NCOA1: variants seen among roughly 807,000 people sequenced by gnomAD.
The protein encoded by NCOA1 is nuclear receptor coactivator 1.
A neutral mutation model predicts 150.9 loss-of-function variants in NCOA1; 35 were observed. The ratio of observed to expected loss-of-function variants is 0.23; its 90% CI spans 0.18 to 0.31. The LOEUF (loss-of-function observed/expected upper bound fraction) is 0.31, where lower values mean the gene tolerates loss of function less well. Among genes scored for constraint, NCOA1 ranks in the 10% least tolerant of loss-of-function variants. The pLI is 1.00. For missense variants in NCOA1, 1,491 were observed against 1,749.3 expected (o/e 0.85, Z 2.63); for synonymous variants, 590 against 630.0 (o/e 0.94, Z 0.95).
intron 21 of NCOA1, among the ~76,000 whole-genome samples, chr2:24,759,329 G>A (rs1490283493): frequency 6.6e-6 from 1 of 152,186 alleles, no homozygotes; most frequent in Non-Finnish European, 1.5e-5. Context: ...TGCCTAAACA[G>A]AATAGAAAAA....
intron 3 of NCOA1, among the ~76,000 whole-genome samples, chr2:24,629,823 T>C (rs1276114989): frequency 5.4e-5 from 7 of 128,900 alleles, no homozygotes; most frequent in African/African-American, 2.3e-4. Context: ...CATACATATA[T>C]ATATATATAT....
At chr2:24,632,276 G>A (rs1026596462) in intron 3 of NCOA1, among the ~76,000 whole-genome samples, 6 of 152,152 alleles carry the variant, frequency 3.9e-5, no homozygotes, top group Admixed American at 2.0e-4. Context: ...TGACCAGTTG[G>A]ACTGATACTG....
chr2:24,625,862 T>A (rs1389460326), intron 3 of NCOA1, among the ~76,000 whole-genome samples: 1 of 152,178 alleles, frequency 6.6e-6, no homozygotes, highest in Non-Finnish European at 1.5e-5. Context: ...TTATTTCAGT[T>A]GTGTTCAAAC....
intron 1 of NCOA1, among the ~76,000 whole-genome samples, chr2:24,528,548 A>G (rs1289337124): frequency 6.6e-6 from 1 of 151,582 alleles, no homozygotes; most frequent in East Asian, 1.9e-4. Flanking sequence ...GGGTTTCACC[A>G]TGTTGCCCAG....
chr2:24,581,162 A>G lies in NCOA1; in HGVS notation c.-259-3314A>G, dbSNP rs567743166. ...TCCTCCACAGGGTGATAGTCTCTTT[A>G]CTGTGTGATGGTGAAAGGCCTGACT... On this transcript the variant is annotated intron_variant, in intron 2 of 22. Transcript: ENST00000348332. Among the ~76,000 whole-genome samples the G allele has an allele frequency of 7.2e-5, 11 of 152,264 alleles. No homozygotes were observed. In the South Asian group the frequency reaches 2.3e-3, roughly 32 times the overall value.
At chr2:24,548,791 G>C (rs2148215282) in intron 1 of NCOA1, among the ~76,000 whole-genome samples, 1 of 152,356 alleles carries the variant, frequency 6.6e-6, no homozygotes. Flanking sequence ...TCCAGGACAA[G>C]CTGTTGCGAG....
intron 18 of NCOA1, 45 bp from the exon 19 acceptor site, chr2:24,741,739 G>A (rs376170642): frequency 1.3e-6 from 2 of 1,555,188 alleles, no homozygotes; most frequent in African/African-American, 2.7e-5. Context: ...AGGATAGATA[G>A]TGATTATAAT....
chr2:24,621,780 T>G (rs1669179189), intron 3 of NCOA1, among the ~76,000 whole-genome samples: 1 of 152,072 alleles, frequency 6.6e-6, no homozygotes, highest in Admixed American at 6.6e-5. Flanking sequence ...ACGCCCAGCC[T>G]TTCAGGCAGC....
At chr2:24,601,883 C>G (rs1404269663) in intron 3 of NCOA1, among the ~76,000 whole-genome samples, 1 of 150,652 alleles carries the variant, frequency 6.6e-6, no homozygotes, top group Non-Finnish European at 1.5e-5. Context: ...CAGTCCACCT[C>G]CCTTGGCCTC....
In NCOA1 at chr2:24,491,485, G is replaced by A. The variant is rs1013401253; in HGVS notation, c.-513G>A. Among the ~76,000 whole-genome samples the A allele has an allele frequency of 3.7e-3, 3 of 802 alleles. No homozygotes were observed. The highest frequency in any genetic ancestry group is 0.026 in the Admixed American group (2 of 76). 0.5% of individuals were successfully genotyped at this position (802 alleles called of 152,430 possible). The stretch of plus-strand genomic sequence containing the variant: ...GCGGGGGGACCCCTGCTCCGGAGGA[G>A]GGGGCCGGAGAGCCGCGGCGCCGGG... On this transcript the variant is annotated 5_prime_UTR_variant, in exon 1 of 23. Coordinates refer to ENST00000348332, the MANE Select transcript of NCOA1 (RefSeq NM_003743.5).
At chr2:24,495,208 G>T (rs1663152821) in intron 1 of NCOA1, among the ~76,000 whole-genome samples, 1 of 150,928 alleles carries the variant, frequency 6.6e-6, no homozygotes, top group African/African-American at 2.4e-5. Flanking sequence ...ATACATGGCT[G>T]AATAAGGGAA....
chr2:24,593,326 T>G (rs1197291821), intron 3 of NCOA1, among the ~76,000 whole-genome samples: 1 of 152,122 alleles, frequency 6.6e-6, no homozygotes, highest in Non-Finnish European at 1.5e-5. Context: ...AATGGTTATA[T>G]TGTGGGGAAA....
At chr2:24,494,153 G>C (rs1303428696) in intron 1 of NCOA1, among the ~76,000 whole-genome samples, 2 of 152,210 alleles carry the variant, frequency 1.3e-5, no homozygotes, top group Non-Finnish European at 1.5e-5. Context: ...TAAGTGATGA[G>C]GGTGGTATAG....
At chr2:24,565,048 T>G (rs1255454956) in intron 2 of NCOA1, among the ~76,000 whole-genome samples, 1 of 152,182 alleles carries the variant, frequency 6.6e-6, no homozygotes, top group Non-Finnish European at 1.5e-5. Flanking sequence ...TTACTCCCCA[T>G]AAGCTGTCCC....
At chr2:24,576,173 T>TG (rs1558806603) in intron 2 of NCOA1, among the ~76,000 whole-genome samples, 10 of 40,922 alleles carry the variant, frequency 2.4e-4, no homozygotes, top group Admixed American at 7.8e-4. Context: ...GTTTTTTGTT[T>TG]TTTTTTTTTT....
intron 1 of NCOA1, among the ~76,000 whole-genome samples, chr2:24,535,096 G>T (rs1182977095): frequency 2.0e-5 from 3 of 151,956 alleles, no homozygotes; most frequent in African/African-American, 4.8e-5. Context: ...GTCTCTTTGT[G>T]GGTCTCTGAG....
intron 1 of NCOA1, among the ~76,000 whole-genome samples, chr2:24,534,229 G>T (rs1665025686): frequency 6.6e-6 from 1 of 152,100 alleles, no homozygotes; most frequent in Admixed American, 6.6e-5. Flanking sequence ...GTTTATTTGT[G>T]TAGAGGTGTT....
At chr2:24,659,025 C>T (rs1343493017) in intron 5 of NCOA1, 4 of 383,408 alleles carry the variant, frequency 1.0e-5, no homozygotes, top group Non-Finnish European at 1.9e-5. Context: ...AGAGAGCCTT[C>T]TCTTCCTTCC....
intron 1 of NCOA1, among the ~76,000 whole-genome samples, chr2:24,500,171 C>T (rs1384067962): frequency 8.5e-5 from 13 of 152,140 alleles, no homozygotes; most frequent in South Asian, 4.2e-4. Flanking sequence ...TGCAATGGCG[C>T]GATCTCGGCT....
Sources: allele counts gnomAD v4.1 joint callset (sites outside exome capture counted in the v4.1 genomes callset), GRCh38; gene constraint gnomAD v4.1.1; transcripts MANE v1.5; gene names NCBI Gene and HGNC (gene_info 2026-07-23, HGNC 2026-07-21).